The following XKR7 variants were observed in gnomAD, a reference collection of about 807,000 sequenced individuals.
The protein encoded by XKR7 is XK-related protein 7.
Under a neutral mutation model 42.2 loss-of-function variants are expected in XKR7, and 11 were observed. The observed-to-expected ratio is 0.26, with a 90% confidence interval of 0.16 to 0.43. The LOEUF is 0.43. XKR7 is among the 20% of genes least tolerant of loss of function. XKR7 has a pLI of 1.00. For missense variants in XKR7, 710 were observed against 802.2 expected (o/e 0.89, Z 1.39); for synonymous variants, 346 against 366.4 (o/e 0.94, Z 0.64).
intron 1 of XKR7, among the ~76,000 whole-genome samples, chr20:31,986,587 G>A (rs1181990531): frequency 1.2e-3 from 70 of 60,564 alleles, no homozygotes; most frequent in Admixed American, 1.4e-3. Flanking sequence ...CCCAGCATCT[G>A]AGACACAGAC....
At position 31,997,022 on chromosome 20, in the gene XKR7, C is replaced by T; in HGVS notation, c.1305C>T (p.Tyr435=). The change falls in exon 3 of 3, where the codon TAC becomes TAT. Residue 435 remains tyrosine, a synonymous_variant. Transcript: ENST00000562532. Reference sequence around the variant, plus strand: ...TGGGCATATTCTTCATGTGTGTCTACTACTGTCTCCTGCACCCCAATGGGC... The same window carrying T: ...TGGGCATATTCTTCATGTGTGTCTATTACTGTCTCCTGCACCCCAATGGGC... ...FALGIFFMCV[Y]YCLLHPNGPM... 1.2e-6 allele frequency: 2 copies of T among 1,614,060 alleles called. No individual in the cohort carries two copies. Among genetic ancestry groups the T allele is most frequent in the Non-Finnish European group, 1.7e-6 (2 of 1,180,046 alleles).
At chr20:31,979,760 C>T (rs1379871526) in intron 1 of XKR7, among the ~76,000 whole-genome samples, 1 of 152,112 alleles carries the variant, frequency 6.6e-6, no homozygotes, top group Admixed American at 6.5e-5. Flanking sequence ...GGAATCTAAC[C>T]CCCTCCCCCA....
chr20:31,986,473 C>G (rs578220587), intron 1 of XKR7, among the ~76,000 whole-genome samples: 2 of 140,164 alleles, frequency 1.4e-5, no homozygotes, highest in East Asian at 4.5e-4. Context: ...AAGACACAGA[C>G]AGACAGACAG....
chr20:31,976,562 T>C (rs1378122003), intron 1 of XKR7, among the ~76,000 whole-genome samples: 1 of 151,974 alleles, frequency 6.6e-6, no homozygotes, highest in East Asian at 1.9e-4. Flanking sequence ...TTTTTGTATT[T>C]TTAGTAGAAA....
chr20:31,968,809 G>T lies in XKR7; in HGVS notation c.584+50G>T. On this transcript the variant is annotated intron_variant, in intron 1 of 2. Transcript: ENST00000562532. The surrounding 1 kb of genome is among the most constrained non-coding windows in gnomAD (Gnocchi z 4.5). ...CCTGAGCCCGAGGAGTGGGGGTGGCGAAGGGCTACCTGACGTCCCAGCCCT... is the reference window on the plus strand; with the variant it reads ...CCTGAGCCCGAGGAGTGGGGGTGGCTAAGGGCTACCTGACGTCCCAGCCCT... 2 of 1,449,186 alleles carry T rather than the reference G, an allele frequency of 1.4e-6. No homozygotes were observed. Among genetic ancestry groups the T allele is most frequent in the Non-Finnish European group, 1.8e-6 (2 of 1,106,394 alleles). 89.8% of individuals were successfully genotyped at this position (1,449,186 alleles called of 1,614,324 possible).
chr20:31,993,341 G>C (rs896330991), intron 1 of XKR7, among the ~76,000 whole-genome samples: 2 of 152,170 alleles, frequency 1.3e-5, no homozygotes, highest in African/African-American at 4.8e-5. Context: ...TCTGTGTGGA[G>C]AGTTCCCCTC....
intron 1 of XKR7, among the ~76,000 whole-genome samples, chr20:31,972,081 A>G (rs897416808): frequency 2.0e-5 from 3 of 152,208 alleles, no homozygotes; most frequent in Non-Finnish European, 4.4e-5. Context: ...GTCTTTTCAC[A>G]CAGAAGATTT....
chr20:31,973,226 A>G (rs925317461), intron 1 of XKR7, among the ~76,000 whole-genome samples: 1 of 152,230 alleles, frequency 6.6e-6, no homozygotes, highest in African/African-American at 2.4e-5. Flanking sequence ...AGCACATGGC[A>G]GGACAGCAAG....
chr20:31,989,044 G>C (rs566197160), intron 1 of XKR7, among the ~76,000 whole-genome samples: 8 of 152,274 alleles, frequency 5.3e-5, no homozygotes, highest in Admixed American at 4.6e-4. Context: ...TTCACAGTGG[G>C]AGAATGGAAA....
At position 32,001,379 on chromosome 20, in the gene XKR7, A is replaced by T. The variant is rs2064624278; in HGVS notation, c.*3922A>T. ...ATGTTTGGGAAACTGCTGGCCACTC[A>T]TATTTGGCCCACGTGCCACCAGTTT... On this transcript the variant is annotated 3_prime_UTR_variant, in exon 3 of 3. Coordinates refer to ENST00000562532, the MANE Select transcript of XKR7 (RefSeq NM_001011718.2). 6.6e-6 allele frequency: 1 copy of T among 152,210 alleles called. No individual in the cohort carries two copies. The highest frequency in any genetic ancestry group is 2.4e-5 in the African/African-American group (1 of 41,446). The allele number at this position is 152,210 out of a possible 1,614,324, so 9.4% of individuals were successfully genotyped here.
At position 31,968,832 on chromosome 20, in the gene XKR7, C is replaced by G; in HGVS notation, c.584+73C>G. ...GCGAAGGGCTACCTGACGTCCCAGC[C>G]CTGATCTGACCTTTCCGGGCTACCC... On this transcript the variant is annotated intron_variant, in intron 1 of 2. Coordinates refer to ENST00000562532, the MANE Select transcript of XKR7 (RefSeq NM_001011718.2). The surrounding 1 kb of genome is among the most constrained non-coding windows in gnomAD (Gnocchi z 4.5). 1 of 1,434,662 alleles carries G rather than the reference C, an allele frequency of 7.0e-7. No homozygotes were observed. The highest frequency in any genetic ancestry group is 1.5e-5 in the South Asian group (1 of 67,920). 88.9% of individuals were successfully genotyped at this position (1,434,662 alleles called of 1,614,324 possible).
chr20:31,987,776 A>G (rs577360072), intron 1 of XKR7, among the ~76,000 whole-genome samples: 1 of 152,366 alleles, frequency 6.6e-6, no homozygotes, highest in East Asian at 1.9e-4. Flanking sequence ...GGGGACAGAG[A>G]CTGAAGCTCC....
chr20:31,974,652 CA>C (rs139828948), intron 1 of XKR7, among the ~76,000 whole-genome samples: 18,225 of 152,236 alleles, frequency 0.12, 1,277 homozygotes, highest in Middle Eastern at 0.22. Context: ...TAAAACAGGT[CA>C]GGGGTTGGAT....
intron 1 of XKR7, among the ~76,000 whole-genome samples, chr20:31,971,177 G>A (rs1419543531): frequency 7.0e-6 from 1 of 142,810 alleles, no homozygotes; most frequent in Non-Finnish European, 1.5e-5. Context: ...AACTATGTGG[G>A]TGAGGACGGG....
rs767816644 is a variant in XKR7, at chr20:31,996,564, G to T, written c.847G>T (p.Val283Leu). 6 of 1,526,128 alleles carry T rather than the reference G, an allele frequency of 3.9e-6. No homozygotes were observed. The highest frequency in any genetic ancestry group is 1.3e-5 in the South Asian group (1 of 76,858). The allele number at this position is 1,526,128 out of a possible 1,614,324, so 94.5% of individuals were successfully genotyped here. ...LAWTLASYQK[V>L]LRDSRDDKRP... ...CTGGACGCTGGCCTCCTACCAGAAG[G>T]TGCTGCGGGACTCGCGGGACGACAA... Residue 283 changes from valine (V) to leucine (L), a missense_variant, in exon 3 of 3, where the codon GTG (valine) becomes TTG (leucine). By Grantham distance (32) the Val-to-Leu change is conservative. This residue lies in a region of XKR7 where 708 missense variants were observed against 786.2 expected (regional missense o/e 0.90). Transcript: ENST00000562532.
rs902969868 is a variant in XKR7 at position 31,991,118 on chromosome 20, G to C, written c.585-3950G>C. The stretch of plus-strand genomic sequence containing the variant: ...GCAGGAGTGGGCAGGGAGGTGGGCA[G>C]GTGGCCCGTCAGGTAGTGATGGATG... On this transcript the variant is annotated intron_variant, in intron 1 of 2. Transcript: ENST00000562532. 2.6e-5 allele frequency among the ~76,000 whole-genome samples: 4 copies of C among 152,348 alleles called. No homozygotes were observed. The East Asian group carries it at 7.7e-4, about 29-fold the overall frequency.
In XKR7 at chr20:32,001,916, A is replaced by C. The variant is rs549515270; in HGVS notation, c.*4459A>C. On this transcript the variant is annotated 3_prime_UTR_variant, in exon 3 of 3. Coordinates refer to ENST00000562532, the MANE Select transcript of XKR7 (RefSeq NM_001011718.2). ...TGCAGTGTCTCAATGGAAGGGAACA[A>C]GTGGGTGTCAAGCCGCATGGGCAGT... 6.6e-6 allele frequency: 1 copy of C among 152,366 alleles called. No homozygotes were observed. The highest frequency in any genetic ancestry group is 2.4e-5 in the African/African-American group (1 of 41,554). The allele number at this position is 152,366 out of a possible 1,614,324, so 9.4% of individuals were successfully genotyped here.
At chr20:31,972,961 A>G (rs2064471119) in intron 1 of XKR7, among the ~76,000 whole-genome samples, 1 of 152,214 alleles carries the variant, frequency 6.6e-6, no homozygotes, top group African/African-American at 2.4e-5. Context: ...CTCTAGATTC[A>G]AGTGTCCTCA....
chr20:31,997,438 A>C lies in XKR7; in HGVS notation c.1721A>C (p.Glu574Ala). The change falls in exon 3 of 3, where the codon GAG (glutamate) becomes GCG (alanine). Residue 574 changes from glutamate (E) to alanine (A), a missense_variant. Transcript: ENST00000562532. ...GTGGGGACTTCCCAGGAGCTGCTGG[A>C]GTATGAGACCACAGTGTAGGCTACA... ...RSVGTSQELL[E>A]YETTV The C allele has an allele frequency of 6.3e-7, 1 of 1,597,828 alleles. No individual in the cohort carries two copies.
Sources: allele counts gnomAD v4.1 joint callset (sites outside exome capture counted in the v4.1 genomes callset), GRCh38; gene constraint gnomAD v4.1.1; regional missense constraint gnomAD v4.1.1; non-coding constraint Gnocchi (gnomAD v3.1); transcripts MANE v1.5; gene names NCBI Gene and HGNC (gene_info 2026-07-23, HGNC 2026-07-21).